The following SPTA1 variants were observed in gnomAD, a reference collection of about 807,000 sequenced individuals.
The protein encoded by SPTA1 is spectrin alpha, erythrocytic 1.
In SPTA1, 177 loss-of-function variants were observed where a neutral mutation model predicts 324.7. The ratio of observed to expected loss-of-function variants is 0.55; its 90% CI spans 0.48 to 0.62. The LOEUF (loss-of-function observed/expected upper bound fraction) is 0.62, where lower values mean the gene tolerates loss of function less well. SPTA1 is among the 20% of genes least tolerant of loss of function. The pLI, the probability that SPTA1 is intolerant of heterozygous loss-of-function variation, is 0.00. For synonymous variants in SPTA1, 1,195 were observed against 1,041.3 expected (o/e 1.15, Z -2.84); for missense variants, 3,162 against 2,883.6 (o/e 1.10, Z -2.21).
At chr1:158,657,808 A>G in intron 18 of SPTA1, 114 bp from the exon 19 acceptor site, 1 of 1,083,556 alleles carries the variant, frequency 9.2e-7, no homozygotes, top group South Asian at 1.4e-5. Flanking sequence ...TATGTTATTT[A>G]GTCGACGTTA....
chr1:158,678,626 T>C, intron 5 of SPTA1, 92 bp from the exon 6 acceptor site: 1 of 1,458,792 alleles, frequency 6.9e-7, no homozygotes, highest in East Asian at 2.5e-5. Flanking sequence ...TAGTTCATAC[T>C]TTTACAGAAG....
At chr1:158,626,449 A>AG (rs1214222265) in intron 41 of SPTA1, among the ~76,000 whole-genome samples, 1 of 152,198 alleles carries the variant, frequency 6.6e-6, no homozygotes, top group Non-Finnish European at 1.5e-5. Flanking sequence ...AGTACTTCAT[A>AG]GAAAAAAAAA....
chr1:158,627,257 C>T (rs905586381), intron 40 of SPTA1, among the ~76,000 whole-genome samples: 14 of 152,086 alleles, frequency 9.2e-5, no homozygotes, highest in African/African-American at 3.4e-4. Flanking sequence ...TTTAAAAGAG[C>T]TTTCAGTGTT....
At chr1:158,644,144 A>G (rs1407811006) in intron 30 of SPTA1, 109 bp downstream of exon 30, 14 of 1,479,478 alleles carry the variant, frequency 9.5e-6, no homozygotes, top group Middle Eastern at 2.4e-4. Flanking sequence ...CTCAAAAAAA[A>G]AAAAAGTAAA....
At chr1:158,640,933 A>G (rs1651511175) in intron 33 of SPTA1, among the ~76,000 whole-genome samples, 1 of 152,208 alleles carries the variant, frequency 6.6e-6, no homozygotes, top group Non-Finnish European at 1.5e-5. Flanking sequence ...AGTAACCAAA[A>G]CAGCATGGTA....
Position 158,686,646 on chromosome 1 carries a change from A to G in SPTA1, c.-129T>C, listed in dbSNP as rs550754566. 1.8e-4 allele frequency: 134 copies of G among 724,422 alleles called. 1 individual carries two copies. The East Asian group carries it at 3.2e-3, about 17-fold the overall frequency. The allele number at this position is 724,422 out of a possible 1,614,324, so 44.9% of individuals were successfully genotyped here. A position where few individuals can be genotyped will look rare whatever the true frequency, so the allele number is the denominator to read the frequency against. ...AGAAACGTTAAGTATGTGGGGGAAA[A>G]AAAAAAACCTCTTGCTTGGTCCTAG... On this transcript the variant is annotated 5_prime_UTR_variant, in exon 1 of 52. Transcript: ENST00000643759.
chr1:158,627,049 G>A, intron 40 of SPTA1, 42 bp from the exon 41 acceptor site: 1 of 1,610,192 alleles, frequency 6.2e-7, no homozygotes, highest in Non-Finnish European at 8.5e-7. Context: ...AATGTGCAGG[G>A]CTGGAAATGT....
chr1:158,674,794 G>T, intron 8 of SPTA1, 119 bp from the exon 9 acceptor site: 3 of 1,387,264 alleles, frequency 2.2e-6, no homozygotes, highest in South Asian at 1.2e-5. Flanking sequence ...CTAATCCTAG[G>T]TTCCCTTTTT....
intron 33 of SPTA1, among the ~76,000 whole-genome samples, chr1:158,640,948 T>A (rs1444167324): frequency 6.6e-6 from 1 of 152,170 alleles, no homozygotes; most frequent in African/African-American, 2.4e-5. Context: ...ATGGTACTGG[T>A]ACCAAAACAG....
Position 158,613,876 on chromosome 1 carries a change from T to TA in SPTA1, c.6843-10dup. On this transcript the variant is annotated splice_polypyrimidine_tract_variant and intron_variant, in intron 49 of 51. Transcript: ENST00000643759. ...AATTCTCATCAAAGTGTCTAAAGGATAAAAAAAGAAAAAAAAATTTATCAA... is the reference window on the plus strand; with the variant it reads ...AATTCTCATCAAAGTGTCTAAAGGATAAAAAAAAGAAAAAAAAATTTATCAA... 6.2e-7 allele frequency: 1 copy of TA among 1,611,224 alleles called. No individual in the cohort carries two copies. Among genetic ancestry groups the TA allele is most frequent in the Non-Finnish European group, 8.5e-7 (1 of 1,178,924 alleles).
intron 43 of SPTA1, among the ~76,000 whole-genome samples, chr1:158,621,193 A>AT (rs11396934): frequency 0.27 from 40,769 of 151,950 alleles, 5,631 homozygotes; most frequent in Middle Eastern, 0.33. Flanking sequence ...AAAAGCATGA[A>AT]TTTTTTCAAA....
Position 158,614,280 on chromosome 1 carries a change from GTC to G in SPTA1, c.6813_6814del (p.Glu2271AspfsTer6), listed in dbSNP as rs1649424538. On this transcript the variant is annotated frameshift_variant, in exon 49 of 52. Coordinates refer to ENST00000643759, the MANE Select transcript of SPTA1 (RefSeq NM_003126.4). LOFTEE classifies it high-confidence loss of function. Reference sequence around the variant, plus strand: ...ATAGATTGTGCTAAATTCCTTTAGAGTCTCTTCACTCACACCTTTGATGTCCC... The same window carrying G: ...ATAGATTGTGCTAAATTCCTTTAGAGTCTTCACTCACACCTTTGATGTCCC... 6.3e-7 allele frequency: 1 copy of G among 1,591,238 alleles called. No individual in the cohort carries two copies. Among genetic ancestry groups the G allele is most frequent in the Admixed American group, 1.7e-5 (1 of 59,630 alleles).
chr1:158,625,067 A>G (rs1445724872), intron 42 of SPTA1, among the ~76,000 whole-genome samples: 1 of 152,244 alleles, frequency 6.6e-6, no homozygotes, highest in Non-Finnish European at 1.5e-5. Context: ...TTAAATGTAA[A>G]CAGACTCACT....
At chr1:158,646,936 G>C (rs889499457) in intron 27 of SPTA1, among the ~76,000 whole-genome samples, 5 of 152,122 alleles carry the variant, frequency 3.3e-5, no homozygotes, top group Admixed American at 1.3e-4. Context: ...CTAGACTTTA[G>C]TAAGATATTC....
chr1:158,625,007 AG>A (rs1650179403), intron 42 of SPTA1, among the ~76,000 whole-genome samples: 1 of 152,244 alleles, frequency 6.6e-6, no homozygotes, highest in Admixed American at 6.5e-5. Context: ...TGGATGGCAG[AG>A]GGTGTTGTTA....
chr1:158,631,191 G>T (rs1055349954), intron 39 of SPTA1, among the ~76,000 whole-genome samples: 1 of 152,154 alleles, frequency 6.6e-6, no homozygotes, highest in South Asian at 2.1e-4. Context: ...ATTTGCAATT[G>T]CAAAAATAAC....
intron 2 of SPTA1, among the ~76,000 whole-genome samples, chr1:158,684,005 G>A (rs747338373): frequency 6.6e-5 from 10 of 151,350 alleles, no homozygotes; most frequent in Non-Finnish European, 1.0e-4. Context: ...ATAATTTTAG[G>A]TGAATAGAAA....
In SPTA1 at chr1:158,639,419, C is replaced by T. The variant is rs1000479405; in HGVS notation, c.4980+163G>A. ...TGATTATCAGTGACAGTTTTAATGT[C>T]TTCACAGCCCGTTAATTTTACCTAA... On this transcript the variant is annotated intron_variant, in intron 35 of 51. Transcript: ENST00000643759. 2.5e-5 allele frequency: 18 copies of T among 712,514 alleles called. No individual in the cohort carries two copies. In the African/African-American group the frequency reaches 3.1e-4, roughly 12 times the overall value. 44.1% of individuals were successfully genotyped at this position (712,514 alleles called of 1,614,324 possible). A position where few individuals can be genotyped will look rare whatever the true frequency, so the allele number is the denominator to read the frequency against.
chr1:158,615,533 T>A, intron 47 of SPTA1, 130 bp from the exon 48 acceptor site: 1 of 910,284 alleles, frequency 1.1e-6, no homozygotes, highest in Non-Finnish European at 1.7e-6. Context: ...AAAGATGAAC[T>A]ACTTGGGAAA....
Sources: gnomAD v4.1 joint callset for allele counts (sites outside exome capture counted in the v4.1 genomes callset) on GRCh38, gnomAD v4.1.1 for gene constraint, MANE v1.5 for transcripts, NCBI Gene and HGNC (gene_info 2026-07-23, HGNC 2026-07-21) for gene names.